Variants in MICAL3 observed in about 807,000 individuals in gnomAD.
MICAL3 encodes the protein microtubule associated monooxygenase, calponin and LIM domain containing 3.
A neutral mutation model predicts 207.4 loss-of-function variants in MICAL3; 62 were observed. That is an observed-to-expected ratio of 0.30 (90% CI 0.24 to 0.37). The LOEUF (loss-of-function observed/expected upper bound fraction) is 0.37. Among genes scored for constraint, MICAL3 ranks in the 10% least tolerant of loss-of-function variants. The pLI is 1.00. For synonymous variants in MICAL3, 1,077 were observed against 1,069.3 expected (o/e 1.01, Z -0.14); for missense variants, 2,368 against 2,635.6 (o/e 0.90, Z 2.22).
rs1569124373 is a variant in MICAL3, at chr22:17,900,025, GA to G, written c.848-478del. On this transcript the variant is annotated intron_variant, in intron 6 of 31. Transcript: ENST00000441493. The surrounding 1 kb of genome is among the most constrained non-coding windows in gnomAD (Gnocchi z 4.0). ...TGTAATGAAAAGAAATCAAGTTCTA[GA>G]AAACAAGAGAATGAAGGCACATTTA... Among the ~76,000 whole-genome samples the G allele has an allele frequency of 3.3e-5, 5 of 152,308 alleles. No individual in the cohort carries two copies. In the South Asian group the frequency reaches 1.0e-3, roughly 32 times the overall value.
Position 17,864,879 on chromosome 22 carries a change from A to C in MICAL3, c.2605+20T>G. Reference sequence around the variant, plus strand: ...CGAGGGAGTGACGCGCCACCCAGCCAAACAAGGAAGTGAGGCTACCTGGGG... The same window carrying C: ...CGAGGGAGTGACGCGCCACCCAGCCCAACAAGGAAGTGAGGCTACCTGGGG... On this transcript the variant is annotated intron_variant, in intron 19 of 31. Transcript: ENST00000441493. 6.2e-7 allele frequency: 1 copy of C among 1,613,842 alleles called. No individual in the cohort carries two copies. The highest frequency in any genetic ancestry group is 8.5e-7 in the Non-Finnish European group (1 of 1,179,868).
chr22:17,942,284 T>C (rs1056115111), intron 1 of MICAL3, among the ~76,000 whole-genome samples: 3 of 151,724 alleles, frequency 2.0e-5, no homozygotes, highest in Admixed American at 2.0e-4. Context: ...AGCTGTAGAG[T>C]TTCCTCTCAC....
intron 16 of MICAL3, chr22:17,875,390 G>T: frequency 8.8e-7 from 1 of 1,139,446 alleles, no homozygotes; most frequent in Non-Finnish European, 1.2e-6. Flanking sequence ...ACTTGCGAAA[G>T]TGACGTGAGT....
intron 29 of MICAL3, among the ~76,000 whole-genome samples, chr22:17,806,865 G>A (rs1370316575): frequency 1.3e-5 from 2 of 152,204 alleles, no homozygotes; most frequent in Non-Finnish European, 2.9e-5. Context: ...AAACCCTAAC[G>A]CCAATCTTCA....
chr22:17,911,471 C>T lies in MICAL3; in HGVS notation c.-74-4585G>A, dbSNP rs75027421. 4.9e-3 allele frequency among the ~76,000 whole-genome samples: 742 copies of T among 152,296 alleles called. 2 individuals are homozygous for T. The highest frequency in any genetic ancestry group is 8.7e-3 in the Non-Finnish European group (589 of 68,022). On this transcript the variant is annotated intron_variant, in intron 1 of 31. Coordinates refer to ENST00000441493, the MANE Select transcript of MICAL3 (RefSeq NM_015241.3). ...GTGCAAATTTCTGAATCTTACACAG[C>T]AATCTGTGAACTGCGCCTTCCCCTA...
chr22:17,849,305 G>A (rs141814051), intron 19 of MICAL3, among the ~76,000 whole-genome samples: 68 of 152,264 alleles, frequency 4.5e-4, no homozygotes, highest in African/African-American at 1.6e-3. Context: ...GATAACCCTA[G>A]TCTCTAAGAG....
At position 17,817,832 on chromosome 22, in the gene MICAL3, C is replaced by T. The variant is rs779023205; in HGVS notation, c.4829G>A (p.Arg1610Gln). ...REKSVKSQAL[R>Q]DAMARQLSRM... Reference sequence around the variant, plus strand: ...GCTCAGCTGCCTGGCCATGGCGTCCCGCAGCGCCTGGCTCTTCACGGACTT... The same window carrying T: ...GCTCAGCTGCCTGGCCATGGCGTCCTGCAGCGCCTGGCTCTTCACGGACTT... The change falls in exon 26 of 32, where the codon CGG (arginine) becomes CAG (glutamine). Residue 1610 changes from arginine (R) to glutamine (Q), a missense_variant. Physicochemically the swap from Arg to Gln is conservative, Grantham distance 43 (BLOSUM62 1). Transcript: ENST00000441493. 1.4e-5 allele frequency: 22 copies of T among 1,611,276 alleles called. No individual in the cohort carries two copies. Among genetic ancestry groups the T allele is most frequent in the Admixed American group, 1.3e-4 (8 of 59,880 alleles).
chr22:17,875,455 G>A (rs754173324), intron 16 of MICAL3: 3 of 1,560,760 alleles, frequency 1.9e-6, no homozygotes, highest in South Asian at 1.2e-5. Context: ...ACCTGTCGGA[G>A]GGAGTCGGAG....
chr22:17,962,561 G>A (rs532057587), intron 1 of MICAL3, among the ~76,000 whole-genome samples: 23 of 152,268 alleles, frequency 1.5e-4, no homozygotes, highest in African/African-American at 5.5e-4. Context: ...CCACATCCAG[G>A]GGTGCTCGAG....
intron 22 of MICAL3, chr22:17,826,427 G>C (rs991420549): frequency 1.0e-6 from 1 of 982,914 alleles, no homozygotes. Flanking sequence ...ACGGTGAGTG[G>C]GGAGAGAGTG....
intron 19 of MICAL3, among the ~76,000 whole-genome samples, chr22:17,844,965 T>G (rs1924477798): frequency 6.6e-6 from 1 of 152,182 alleles, no homozygotes; most frequent in Non-Finnish European, 1.5e-5. Context: ...TTCCCATCCC[T>G]TCCTTCTCCT....
At chr22:17,888,648 G>A (rs995156163) in intron 13 of MICAL3, among the ~76,000 whole-genome samples, 27 of 152,290 alleles carry the variant, frequency 1.8e-4, no homozygotes, top group African/African-American at 5.3e-4. Context: ...GCAGTAGCGC[G>A]GTATGAAGAG....
At chr22:17,880,648 G>C (rs1375131678) in intron 16 of MICAL3, among the ~76,000 whole-genome samples, 2 of 148,922 alleles carry the variant, frequency 1.3e-5, no homozygotes, top group African/African-American at 5.2e-5. Context: ...TGTCCTCACT[G>C]GCCTGCTGTC....
chr22:17,929,009 G>A (rs1178638871), intron 1 of MICAL3, among the ~76,000 whole-genome samples: 1 of 151,696 alleles, frequency 6.6e-6, no homozygotes, highest in Non-Finnish European at 1.5e-5. Flanking sequence ...TAGCCAGGAT[G>A]GTCTCGAACT....
intron 29 of MICAL3, among the ~76,000 whole-genome samples, chr22:17,805,245 C>T (rs1490993674): frequency 6.6e-6 from 1 of 152,176 alleles, no homozygotes; most frequent in Non-Finnish European, 1.5e-5. Context: ...CAGCCAGGTG[C>T]CACAAGACTA....
At chr22:17,809,400 C>A (rs754689870) in intron 28 of MICAL3, among the ~76,000 whole-genome samples, 1 of 152,218 alleles carries the variant, frequency 6.6e-6, no homozygotes, top group Non-Finnish European at 1.5e-5. Context: ...CTTTGGGAGG[C>A]TGAGGTGGGC....
At chr22:17,863,399 G>C in intron 19 of MICAL3, 1 of 985,374 alleles carries the variant, frequency 1.0e-6, no homozygotes, top group Non-Finnish European at 1.2e-6. Flanking sequence ...ATAGCATAAA[G>C]CCAAAGTCTC....
At chr22:17,913,336 C>T (rs1330540489) in intron 1 of MICAL3, among the ~76,000 whole-genome samples, 3 of 152,046 alleles carry the variant, frequency 2.0e-5, no homozygotes, top group African/African-American at 7.2e-5. Context: ...GTGGAGGTGA[C>T]GAGGGTAGGA....
intron 29 of MICAL3, among the ~76,000 whole-genome samples, chr22:17,804,835 T>TG (rs112868539): frequency 0.01 from 1,548 of 152,312 alleles, 16 homozygotes; most frequent in Middle Eastern, 0.048. Flanking sequence ...AGTGGTAGAA[T>TG]GCGGTCCTGC....
Sources: allele counts gnomAD v4.1 joint callset (sites outside exome capture counted in the v4.1 genomes callset), GRCh38; gene constraint gnomAD v4.1.1; non-coding constraint Gnocchi (gnomAD v3.1); transcripts MANE v1.5; gene names NCBI Gene and HGNC (gene_info 2026-07-23, HGNC 2026-07-21).